Variants in COL6A6 observed in about 807,000 individuals in gnomAD.
The protein encoded by COL6A6 is collagen alpha-6(VI) chain.
COL6A6 carries 183 observed loss-of-function variants against 208.6 expected under a neutral mutation model. That is an observed-to-expected ratio of 0.88 (90% CI 0.78 to 0.99). COL6A6 has a LOEUF of 0.99. COL6A6 is among the 50% of genes least tolerant of loss of function. The pLI is 0.00. For missense variants in COL6A6, 2,816 were observed against 2,815.2 expected, an observed-to-expected ratio of 1.00 and a Z score of -0.01; for synonymous variants, 973 against 1,011.8, an observed-to-expected ratio of 0.96 and a Z score of 0.73.
At chr3:130,549,301 C>G (rs944875261) in intron 1 of COL6A6, among the ~76,000 whole-genome samples, 7 of 152,150 alleles carry the variant, frequency 4.6e-5, no homozygotes, top group Non-Finnish European at 8.8e-5. Flanking sequence ...TTTTGAGAAG[C>G]TTGTGCCACC....
rs1469982651 is a variant in COL6A6, at chr3:130,626,548, G to A, written c.4941+1G>A. 1.2e-6 allele frequency: 2 copies of A among 1,610,392 alleles called. No individual in the cohort carries two copies. Among genetic ancestry groups the A allele is most frequent in the Non-Finnish European group, 1.7e-6 (2 of 1,176,770 alleles). The stretch of plus-strand genomic sequence containing the variant: ...CTTTCCTGGTCCTCGTGGCTTGCAG[G>A]TTTGTATTTTGACACTAGTTTTGAT... On this transcript the variant is annotated splice_donor_variant, in intron 25 of 36. Transcript: ENST00000358511. LOFTEE classifies it high-confidence loss of function.
chr3:130,620,804 C>G (rs184603445), intron 23 of COL6A6, among the ~76,000 whole-genome samples: 1 of 152,240 alleles, frequency 6.6e-6, no homozygotes, highest in African/African-American at 2.4e-5. Flanking sequence ...ATGCTCATTA[C>G]GCAAAGGCTG....
chr3:130,519,123 G>A (rs961948206), intron 1 of COL6A6, among the ~76,000 whole-genome samples: 5 of 152,032 alleles, frequency 3.3e-5, no homozygotes, highest in Non-Finnish European at 7.4e-5. Context: ...TGAATATTTT[G>A]CAGAAAATAT....
At chr3:130,573,643 T>C (rs2063219002) in intron 7 of COL6A6, among the ~76,000 whole-genome samples, 1 of 146,052 alleles carries the variant, frequency 6.8e-6, no homozygotes, top group Non-Finnish European at 1.5e-5. Flanking sequence ...CTCGGCTCAC[T>C]ACAAGCTCCG....
intron 24 of COL6A6, among the ~76,000 whole-genome samples, chr3:130,622,708 T>C (rs2064766869): frequency 6.6e-6 from 1 of 151,676 alleles, no homozygotes; most frequent in African/African-American, 2.4e-5. Flanking sequence ...ATTCAAAAAT[T>C]TAGCCGGGCG....
At chr3:130,572,901 G>T (rs1191671823) in intron 7 of COL6A6, among the ~76,000 whole-genome samples, 1 of 152,100 alleles carries the variant, frequency 6.6e-6, no homozygotes, top group South Asian at 2.1e-4. Context: ...TCATGGAAAC[G>T]ATCATGCTTA....
Position 130,560,385 on chromosome 3 carries a change from C to G in COL6A6, c.21C>G (p.Phe7Leu), listed in dbSNP as rs201535806. ...ATAATATGATGTTGCTAATTTTGTT[C>G]CTCGTGATAATTTGTTCCCATATTT... MMLLIL[F>L]LVIICSHISV... Residue 7 changes from phenylalanine to leucine, a missense_variant, in exon 2 of 37, where the codon TTC becomes TTG. By Grantham distance (22) the Phe-to-Leu change is conservative. Coordinates refer to ENST00000358511, the MANE Select transcript of COL6A6 (RefSeq NM_001102608.3). 441 of 1,610,804 alleles carry G rather than the reference C, an allele frequency of 2.7e-4. No homozygotes were observed. Among genetic ancestry groups the G allele is most frequent in the Non-Finnish European group, 3.3e-4 (390 of 1,178,694 alleles).
Position 130,579,997 on chromosome 3 carries a change from G to A in COL6A6, c.3548-1564G>A, listed in dbSNP as rs568735588. Among the ~76,000 whole-genome samples, 10 of 152,284 alleles carry A rather than the reference G, an allele frequency of 6.6e-5. No homozygotes were observed. In the South Asian group the frequency reaches 1.4e-3, roughly 22 times the overall value. Reference sequence around the variant, plus strand: ...CTTGTTTACCTAAATAAGTTTGTACGTTCAGCAATCTAGACAAAAATTTAA... The same window carrying A: ...CTTGTTTACCTAAATAAGTTTGTACATTCAGCAATCTAGACAAAAATTTAA... On this transcript the variant is annotated intron_variant, in intron 8 of 36. Coordinates refer to ENST00000358511, the MANE Select transcript of COL6A6 (RefSeq NM_001102608.3).
chr3:130,558,457 G>C (rs906233834), intron 1 of COL6A6, among the ~76,000 whole-genome samples: 3 of 152,228 alleles, frequency 2.0e-5, no homozygotes, highest in Non-Finnish European at 4.4e-5. Flanking sequence ...TGTTCCACAA[G>C]ATGCTAATCC....
Position 130,592,629 on chromosome 3 carries a change from A to T in COL6A6, c.4344+17A>T. 6.2e-7 allele frequency: 1 copy of T among 1,613,064 alleles called. No homozygotes were observed. Among genetic ancestry groups the T allele is most frequent in the Non-Finnish European group, 8.5e-7 (1 of 1,179,170 alleles). The stretch of plus-strand genomic sequence containing the variant: ...GGTCCTAAGGTAAGGATTGCATAAG[A>T]GTGTGGAGTTTTCTCAATATTAATT... On this transcript the variant is annotated intron_variant, in intron 14 of 36. Transcript: ENST00000358511.
chr3:130,588,987 C>T, intron 11 of COL6A6, 103 bp from the exon 12 acceptor site: 1 of 646,786 alleles, frequency 1.5e-6, no homozygotes, highest in East Asian at 3.4e-5. Flanking sequence ...GGTGACCAGG[C>T]TTCTGAAACT....
intron 1 of COL6A6, among the ~76,000 whole-genome samples, chr3:130,533,172 G>A (rs904091677): frequency 6.6e-6 from 1 of 151,006 alleles, no homozygotes; most frequent in Non-Finnish European, 1.5e-5. Flanking sequence ...AGAAATAGCG[G>A]CCATATTTTA....
chr3:130,589,135 A>T lies in COL6A6; in HGVS notation c.4171A>T (p.Ile1391Phe). The T allele has an allele frequency of 6.2e-7, 1 of 1,613,918 alleles. No homozygotes were observed. The highest frequency in any genetic ancestry group is 8.5e-7 in the Non-Finnish European group (1 of 1,179,832). The change falls in exon 12 of 37, where the codon ATT becomes TTT. Residue 1391 changes from isoleucine to phenylalanine, a missense_variant. By Grantham distance (21) the Ile-to-Phe change is conservative. Transcript: ENST00000358511. ...RTCCCLFCKC[I>F]GGDGTMGDPG... ...ATGCTGCTGTTTGTTCTGCAAGTGCATTGGAGGAGATGGCACAATGGGAGA... is the reference window on the plus strand; with the variant it reads ...ATGCTGCTGTTTGTTCTGCAAGTGCTTTGGAGGAGATGGCACAATGGGAGA...
At chr3:130,556,041 C>T (rs116079446) in intron 1 of COL6A6, among the ~76,000 whole-genome samples, 315 of 152,254 alleles carry the variant, frequency 2.1e-3, no homozygotes, top group African/African-American at 7.1e-3. Flanking sequence ...CTGCAACCCT[C>T]CTGCCCTTCT....
At chr3:130,643,423 G>T (rs1484337427) in intron 31 of COL6A6, among the ~76,000 whole-genome samples, 1 of 152,114 alleles carries the variant, frequency 6.6e-6, no homozygotes. Context: ...TGTCCTGGTG[G>T]GTGCGAGTCC....
chr3:130,554,956 G>T (rs533344925), intron 1 of COL6A6, among the ~76,000 whole-genome samples: 85 of 152,234 alleles, frequency 5.6e-4, no homozygotes, highest in African/African-American at 2.0e-3. Flanking sequence ...CCCCAGTTGG[G>T]CAGCCAGGCT....
In COL6A6 at chr3:130,649,500, CTTG is replaced by C. The variant is rs2065570010; in HGVS notation, c.5672_5674del (p.Leu1891_Glu1892delinsGln). 1 of 1,606,628 alleles carries C rather than the reference CTTG, an allele frequency of 6.2e-7. No homozygotes were observed. On this transcript the variant is annotated inframe_deletion, in exon 33 of 37. Transcript: ENST00000358511. ...CACGGCTGCCATGGAGTTCGGCGCGCTTGAAATCATTCCCGTGGTGATCACTTT... is the reference window on the plus strand; with the variant it reads ...CACGGCTGCCATGGAGTTCGGCGCGCAAATCATTCCCGTGGTGATCACTTT...
intron 23 of COL6A6, among the ~76,000 whole-genome samples, chr3:130,611,777 T>C (rs183083558): frequency 2.0e-4 from 30 of 152,372 alleles, no homozygotes; most frequent in African/African-American, 6.3e-4. Context: ...CTCATGACAC[T>C]ATTTTTTAAT....
chr3:130,566,048 A>G (rs73868910), intron 4 of COL6A6, among the ~76,000 whole-genome samples: 7,077 of 152,276 alleles, frequency 0.046, 557 homozygotes, highest in African/African-American at 0.16. Context: ...GATTTGAATG[A>G]AGAAAAAGTA....
Sources: allele counts gnomAD v4.1 joint callset (sites outside exome capture counted in the v4.1 genomes callset), GRCh38; gene constraint gnomAD v4.1.1; transcripts MANE v1.5; gene names NCBI Gene and HGNC (gene_info 2026-07-23, HGNC 2026-07-21).